The following SV2B variants were observed in gnomAD, a reference collection of about 807,000 sequenced individuals.
SV2B encodes the protein synaptic vesicle glycoprotein 2B.
SV2B carries 41 observed loss-of-function variants against 73.9 expected under a neutral mutation model. That is an observed-to-expected ratio of 0.56 (90% CI 0.43 to 0.72). SV2B has a LOEUF of 0.72. Ranked by LOEUF, SV2B falls within the 30% of genes least tolerant of loss-of-function variation. The pLI is 0.00. For synonymous variants in SV2B, 314 were observed against 314.2 expected (o/e 1.00, Z 0.01); for missense variants, 764 against 857.8 (o/e 0.89, Z 1.37).
intron 1 of SV2B, among the ~76,000 whole-genome samples, chr15:91,170,825 A>G (rs2044096870): frequency 1.3e-5 from 2 of 151,936 alleles, no homozygotes; most frequent in South Asian, 4.2e-4. Context: ...TTTAATTAAA[A>G]TCAATAAGAG....
chr15:91,221,693 G>GCGCGCGCACACA (rs370290337), intron 1 of SV2B, among the ~76,000 whole-genome samples: 86 of 140,158 alleles, frequency 6.1e-4, no homozygotes, highest in African/African-American at 1.8e-3. Flanking sequence ...AAGCATGTGC[G>GCGCGCGCACACA]CACACACACA....
In SV2B at chr15:91,206,869, C is replaced by T. The variant is rs541250497; in HGVS notation, c.-391-19004C>T. ...ACAGAGAAGTTTGAAGGCTGATGTT[C>T]GATGTTAGGATCTTTTATTTGGACA... On this transcript the variant is annotated intron_variant, in intron 1 of 12. Coordinates refer to ENST00000394232, the MANE Select transcript of SV2B (RefSeq NM_001323032.3). Among the ~76,000 whole-genome samples the T allele has an allele frequency of 5.9e-5, 9 of 152,056 alleles. No homozygotes were observed. The South Asian group carries it at 6.2e-4, about 11-fold the overall frequency.
chr15:91,231,597 T>C lies in SV2B; in HGVS notation c.451+4883T>C, dbSNP rs1468277744. On this transcript the variant is annotated intron_variant, in intron 2 of 12. Transcript: ENST00000394232. This position sits in a 1 kb window ranked among gnomAD's most constrained non-coding sequence, Gnocchi z 4.5. ...GTAAGGCAAACCAACCCCATCCTTT[T>C]CTGCCTGCATTTGATAAATTGACAC... 2.0e-5 allele frequency among the ~76,000 whole-genome samples: 3 copies of C among 152,322 alleles called. No individual in the cohort carries two copies. The highest frequency in any genetic ancestry group is 7.2e-5 in the African/African-American group (3 of 41,562).
intron 1 of SV2B, among the ~76,000 whole-genome samples, chr15:91,150,124 C>G (rs533204175): frequency 6.0e-4 from 91 of 152,326 alleles, no homozygotes; most frequent in Admixed American, 2.4e-3. Context: ...CTGCCTCAGC[C>G]TCCCAAGCAG....
At position 91,290,645 on chromosome 15, in the gene SV2B, C is replaced by T. The variant is rs2049010518; in HGVS notation, c.1868+965C>T. On this transcript the variant is annotated intron_variant, in intron 12 of 12. Transcript: ENST00000394232. This position sits in a 1 kb window ranked among gnomAD's most constrained non-coding sequence, Gnocchi z 4.7. ...ATATCCATTTAATAATGGCAGACGT[C>T]ATAAAATAATTAGGGATCAACTTGA... Among the ~76,000 whole-genome samples, 1 of 151,968 alleles carries T rather than the reference C, an allele frequency of 6.6e-6. No homozygotes were observed. The highest frequency in any genetic ancestry group is 2.4e-5 in the African/African-American group (1 of 41,350).
intron 4 of SV2B, among the ~76,000 whole-genome samples, chr15:91,257,311 C>A (rs563950791): frequency 5.3e-5 from 8 of 152,146 alleles, no homozygotes; most frequent in Non-Finnish European, 7.3e-5. Flanking sequence ...TCTACAGCTG[C>A]GAAAACCCAC....
rs2042004845 is a variant in SV2B, at chr15:91,110,449, C to T, written c.-392+10086C>T. On this transcript the variant is annotated intron_variant, in intron 1 of 12. Coordinates refer to ENST00000394232, the MANE Select transcript of SV2B (RefSeq NM_001323032.3). This position sits in a 1 kb window ranked among gnomAD's most constrained non-coding sequence, Gnocchi z 5.4. ...CCCTCAACAGCCTCCTCTGATTGCT[C>T]AATCCTCTGGGATTTTCCCTGCCTG... Among the ~76,000 whole-genome samples the T allele has an allele frequency of 6.6e-6, 1 of 152,216 alleles. No individual in the cohort carries two copies. Among genetic ancestry groups the T allele is most frequent in the African/African-American group, 2.4e-5 (1 of 41,444 alleles).
intron 1 of SV2B, among the ~76,000 whole-genome samples, chr15:91,200,251 A>G (rs2045412621): frequency 6.6e-6 from 1 of 152,238 alleles, no homozygotes; most frequent in African/African-American, 2.4e-5. Flanking sequence ...TTGTTCTGCC[A>G]GAATGAGGTT....
Position 91,252,349 on chromosome 15 carries a change from C to G in SV2B, c.633-20C>G, listed in dbSNP as rs1459131058. ...TAGTGTATGACTTGATTCTTTCTCT[C>G]TGGCATTTTTCCTTTGCAGTATTGG... On this transcript the variant is annotated intron_variant, in intron 3 of 12. Transcript: ENST00000394232. The surrounding 1 kb of genome is among the most constrained non-coding windows in gnomAD (Gnocchi z 4.6). The G allele has an allele frequency of 1.9e-6, 3 of 1,594,960 alleles. No individual in the cohort carries two copies. Among genetic ancestry groups the G allele is most frequent in the Non-Finnish European group, 2.6e-6 (3 of 1,169,916 alleles).
At chr15:91,263,868 C>T (rs1053320537) in intron 6 of SV2B, among the ~76,000 whole-genome samples, 2 of 152,380 alleles carry the variant, frequency 1.3e-5, no homozygotes, top group Non-Finnish European at 2.9e-5. Context: ...CCTCTGCCTT[C>T]TCTCTATTCT....
chr15:91,269,329 C>T (rs2048217899), intron 9 of SV2B, among the ~76,000 whole-genome samples: 1 of 152,202 alleles, frequency 6.6e-6, no homozygotes, highest in Non-Finnish European at 1.5e-5. Flanking sequence ...CCACATTATT[C>T]ACTAAACTGA....
intron 9 of SV2B, among the ~76,000 whole-genome samples, chr15:91,270,453 T>C (rs1024000453): frequency 5.3e-5 from 8 of 152,208 alleles, no homozygotes; most frequent in Non-Finnish European, 7.3e-5. Flanking sequence ...CTAATATACA[T>C]AGAAATATCT....
At chr15:91,219,509 A>G (rs1057291840) in intron 1 of SV2B, among the ~76,000 whole-genome samples, 2 of 152,178 alleles carry the variant, frequency 1.3e-5, no homozygotes, top group Non-Finnish European at 2.9e-5. Flanking sequence ...AGAGCAGCCT[A>G]TATTCCATGG....
chr15:91,250,183 G>A (rs975203255), intron 2 of SV2B, among the ~76,000 whole-genome samples: 1 of 152,056 alleles, frequency 6.6e-6, no homozygotes, highest in East Asian at 1.9e-4. Flanking sequence ...AGTGAGATTC[G>A]TCCTTGGCAT....
intron 1 of SV2B, among the ~76,000 whole-genome samples, chr15:91,165,208 G>A (rs1489220143): frequency 6.6e-6 from 1 of 152,098 alleles, no homozygotes. Flanking sequence ...GTGGTGGCGA[G>A]CCCCTGTAAT....
chr15:91,131,796 C>G (rs907021748), intron 1 of SV2B, among the ~76,000 whole-genome samples: 1 of 152,268 alleles, frequency 6.6e-6, no homozygotes, highest in East Asian at 1.9e-4. Context: ...AACCCCGTCT[C>G]TACTAAAAAT....
intron 1 of SV2B, among the ~76,000 whole-genome samples, chr15:91,108,228 A>G (rs893986695): frequency 6.6e-6 from 1 of 152,222 alleles, no homozygotes; most frequent in Admixed American, 6.5e-5. Context: ...GTTCAAAATT[A>G]GACAAAGGGA....
chr15:91,111,200 T>C (rs2042025946), intron 1 of SV2B, among the ~76,000 whole-genome samples: 1 of 152,198 alleles, frequency 6.6e-6, no homozygotes, highest in South Asian at 2.1e-4. Context: ...GCTAGTCCTA[T>C]CAGGTTTCTC....
In SV2B at chr15:91,289,489, T is replaced by G. The variant is rs751521714; in HGVS notation, c.1709-32T>G. 6 of 1,613,664 alleles carry G rather than the reference T, an allele frequency of 3.7e-6. No individual in the cohort carries two copies. In the East Asian group the frequency reaches 1.3e-4, roughly 36 times the overall value. ...AGCCATGTGCAAGACACAGGCCTCA[T>G]GTTTCTTTTTGCCCTTGAACTCCCT... is the stretch of plus-strand genomic sequence containing the variant. On this transcript the variant is annotated intron_variant, in intron 11 of 12. Coordinates refer to ENST00000394232, the MANE Select transcript of SV2B (RefSeq NM_001323032.3). This position sits in a 1 kb window ranked among gnomAD's most constrained non-coding sequence, Gnocchi z 4.9.
Sources: gnomAD v4.1 joint callset for allele counts (sites outside exome capture counted in the v4.1 genomes callset) on GRCh38, gnomAD v4.1.1 for gene constraint, Gnocchi (gnomAD v3.1) non-coding constraint, MANE v1.5 for transcripts, NCBI Gene and HGNC (gene_info 2026-07-23, HGNC 2026-07-21) for gene names.